CEP128: variants seen among roughly 807,000 people sequenced by gnomAD.
CEP128 encodes centrosomal protein 128kDa.
Under a neutral mutation model 156.7 loss-of-function variants are expected in CEP128, and 132 were observed. That is an observed-to-expected ratio of 0.84 (90% CI 0.73 to 0.97). The LOEUF (loss-of-function observed/expected upper bound fraction) is 0.97, where lower values mean the gene tolerates loss of function less well. Ranked by LOEUF, CEP128 falls within the 50% of genes least tolerant of loss-of-function variation. The probability of loss-of-function intolerance (pLI) is 0.00; values close to 1 mark genes in which losing one functional copy is unlikely to be tolerated. For synonymous variants in CEP128, 469 were observed against 448.9 expected, an observed-to-expected ratio of 1.04 and a Z score of -0.57; for missense variants, 1,252 against 1,281.9, an observed-to-expected ratio of 0.98 and a Z score of 0.36.
At chr14:80,830,098 G>C (rs1157213826) in intron 13 of CEP128, 3 of 424,612 alleles carry the variant, frequency 7.1e-6, no homozygotes, top group African/African-American at 2.0e-5. Context: ...TCATCAGCAG[G>C]ATCAAGGGCT....
At chr14:80,622,412 TC>T (rs1893518543) in intron 19 of CEP128, among the ~76,000 whole-genome samples, 1 of 149,904 alleles carries the variant, frequency 6.7e-6, no homozygotes. Context: ...GGACTTCATG[TC>T]TAAAACACCA....
intron 9 of CEP128, among the ~76,000 whole-genome samples, chr14:80,848,382 G>A (rs1886713833): frequency 6.6e-6 from 1 of 152,150 alleles, no homozygotes; most frequent in African/African-American, 2.4e-5. Flanking sequence ...ATTAGGGGTT[G>A]GGCATGGTGG....
chr14:80,767,981 AG>A (rs1004915046), intron 16 of CEP128, among the ~76,000 whole-genome samples: 16 of 152,126 alleles, frequency 1.1e-4, no homozygotes, highest in African/African-American at 3.9e-4. Context: ...TACATATCCC[AG>A]CCCCTACTAG....
At chr14:80,539,413 G>A (rs1039821844) in intron 21 of CEP128, among the ~76,000 whole-genome samples, 15 of 152,180 alleles carry the variant, frequency 9.9e-5, no homozygotes, top group Admixed American at 8.5e-4. Context: ...TGGAGCCGCG[G>A]CAGAGGAGCA....
chr14:80,750,068 C>T (rs1411208472), intron 18 of CEP128, among the ~76,000 whole-genome samples: 3 of 152,142 alleles, frequency 2.0e-5, no homozygotes, highest in Admixed American at 2.0e-4. Context: ...TTTTCAACCT[C>T]CTGTCAATAG....
At chr14:80,700,465 A>AG (rs988008769) in intron 19 of CEP128, among the ~76,000 whole-genome samples, 39 of 152,112 alleles carry the variant, frequency 2.6e-4, no homozygotes, top group African/African-American at 8.0e-4. Context: ...CAAATAGGAA[A>AG]GGGGGGATGG....
At chr14:80,915,932 T>G (rs1482020984) in intron 3 of CEP128, among the ~76,000 whole-genome samples, 2 of 152,228 alleles carry the variant, frequency 1.3e-5, no homozygotes. Context: ...GCAAAAGGGA[T>G]TTTGCAAATG....
At chr14:80,576,558 G>A (rs2140431201) in intron 20 of CEP128, among the ~76,000 whole-genome samples, 1 of 152,126 alleles carries the variant, frequency 6.6e-6, no homozygotes, top group Non-Finnish European at 1.5e-5. Flanking sequence ...TCCTCCCTGA[G>A]GCTCCACCCC....
In CEP128 at chr14:80,792,826, C is replaced by T. The variant is rs2139844097; in HGVS notation, c.1494G>A (p.Lys498=). Residue 498 remains lysine, a synonymous_variant, in exon 14 of 25, where the codon AAG becomes AAA. Coordinates refer to ENST00000555265, the MANE Select transcript of CEP128 (RefSeq NM_152446.5). ...GTTTCTCCAACGCTCGTTCTAACTTCTTATGCTTAAGCTTCCACTGCCTAA... is the reference window on the plus strand; with the variant it reads ...GTTTCTCCAACGCTCGTTCTAACTTTTTATGCTTAAGCTTCCACTGCCTAA... ...ESIRQWKLKH[K]KLERALEKQS... The T allele has an allele frequency of 1.2e-6, 2 of 1,614,190 alleles. No individual in the cohort carries two copies. The highest frequency in any genetic ancestry group is 2.2e-5 in the East Asian group (1 of 44,886).
chr14:80,792,831 G>A lies in CEP128; in HGVS notation c.1489C>T (p.His497Tyr), dbSNP rs2139844127. Residue 497 changes from histidine to tyrosine, a missense_variant, in exon 14 of 25, where the codon CAT (histidine) becomes TAT (tyrosine). By Grantham distance (83) the His-to-Tyr change is moderately conservative. Coordinates refer to ENST00000555265, the MANE Select transcript of CEP128 (RefSeq NM_152446.5). ...TCCAACGCTCGTTCTAACTTCTTAT[G>A]CTTAAGCTTCCACTGCCTAATGGAT... Reference protein sequence around the residue: ...QESIRQWKLKHKKLERALEKQ... With the variant: ...QESIRQWKLKYKKLERALEKQ... 5.6e-6 allele frequency: 9 copies of A among 1,614,150 alleles called. No individual in the cohort carries two copies. The highest frequency in any genetic ancestry group is 6.8e-6 in the Non-Finnish European group (8 of 1,180,016).
chr14:80,642,854 A>G (rs1330705913), intron 19 of CEP128, among the ~76,000 whole-genome samples: 1 of 151,570 alleles, frequency 6.6e-6, no homozygotes, highest in African/African-American at 2.4e-5. Context: ...CTCCCAGTTC[A>G]GGCAATTCTC....
chr14:80,876,221 T>C (rs1049990646), intron 8 of CEP128, among the ~76,000 whole-genome samples: 1 of 151,410 alleles, frequency 6.6e-6, no homozygotes, highest in African/African-American at 2.4e-5. Flanking sequence ...ACTAAGCTTA[T>C]CACAGTAAAA....
chr14:80,850,659 C>T (rs1359088721), intron 9 of CEP128, among the ~76,000 whole-genome samples: 1 of 152,162 alleles, frequency 6.6e-6, no homozygotes, highest in Non-Finnish European at 1.5e-5. Context: ...ACAAAGGAAA[C>T]AGTTCCATGA....
chr14:80,893,822 T>C (rs1336795014), intron 8 of CEP128, among the ~76,000 whole-genome samples: 2 of 151,934 alleles, frequency 1.3e-5, no homozygotes, highest in African/African-American at 4.8e-5. Context: ...GGCATTTGGA[T>C]AGACAAATAA....
intron 19 of CEP128, among the ~76,000 whole-genome samples, chr14:80,719,772 A>AATGAAATC (rs767939785): frequency 6.6e-6 from 1 of 152,212 alleles, no homozygotes; most frequent in Non-Finnish European, 1.5e-5. Context: ...AACAATTTGG[A>AATGAAATC]ATGAAATCAT....
chr14:80,491,857 G>GT (rs1887336093), downstream of CEP128, among the ~76,000 whole-genome samples: 1 of 152,164 alleles, frequency 6.6e-6, no homozygotes. Flanking sequence ...TGCTACCACA[G>GT]TTTTTTCCTT....
At chr14:80,896,052 G>C (rs1309845665) in intron 7 of CEP128, among the ~76,000 whole-genome samples, 1 of 152,120 alleles carries the variant, frequency 6.6e-6, no homozygotes, top group Non-Finnish European at 1.5e-5. Context: ...AGAAACAGAG[G>C]TCTGCAGGTC....
At chr14:80,540,069 T>A (rs1435553614) in intron 21 of CEP128, among the ~76,000 whole-genome samples, 1 of 152,176 alleles carries the variant, frequency 6.6e-6, no homozygotes, top group East Asian at 1.9e-4. Flanking sequence ...TAGACCCTTA[T>A]CAATGGTTCT....
intron 14 of CEP128, among the ~76,000 whole-genome samples, chr14:80,790,042 T>C (rs1380028330): frequency 1.3e-5 from 2 of 152,032 alleles, no homozygotes; most frequent in Admixed American, 6.6e-5. Context: ...TTTCAACCAT[T>C]CAAAAATTCA....
Sources: allele counts gnomAD v4.1 joint callset (sites outside exome capture counted in the v4.1 genomes callset), GRCh38; gene constraint gnomAD v4.1.1; transcripts MANE v1.5; gene names NCBI Gene and HGNC (gene_info 2026-07-23, HGNC 2026-07-21).